FSTL4: variants seen among roughly 807,000 people sequenced by gnomAD.
FSTL4 encodes follistatin like 4, also known as follistatin-related protein 4.
In FSTL4, 28 loss-of-function variants were observed where a neutral mutation model predicts 78.2. That is an observed-to-expected ratio of 0.36 (90% CI 0.27 to 0.49). The LOEUF (loss-of-function observed/expected upper bound fraction) is 0.49, where lower values mean the gene tolerates loss of function less well. Ranked by LOEUF, FSTL4 falls within the 20% of genes least tolerant of loss-of-function variation. FSTL4 has a pLI of 0.98. For missense variants in FSTL4, 922 were observed against 1,084.9 expected (o/e 0.85, Z 2.11); for synonymous variants, 422 against 440.5 (o/e 0.96, Z 0.53).
the FSTL4 span, among the ~76,000 whole-genome samples, chr5:133,721,286 A>T: frequency 6.6e-6 from 1 of 152,112 alleles, no homozygotes; most frequent in Non-Finnish European, 1.5e-5. Flanking sequence ...TTGACTTTTA[A>T]CTTTCATAAT....
At chr5:133,813,003 T>A in the FSTL4 span, among the ~76,000 whole-genome samples, 28 of 152,236 alleles carry the variant, frequency 1.8e-4, no homozygotes, top group Non-Finnish European at 1.9e-4. Context: ...CCTTTGGCCA[T>A]CGTGTTAACA....
At chr5:133,389,120 A>C (rs1236030616) in intron 4 of FSTL4, among the ~76,000 whole-genome samples, 3 of 152,170 alleles carry the variant, frequency 2.0e-5, no homozygotes, top group Non-Finnish European at 4.4e-5. Flanking sequence ...AGTAGAACAC[A>C]GTTGCTGTCT....
intron 6 of FSTL4, among the ~76,000 whole-genome samples, chr5:133,285,935 T>C (rs1448791007): frequency 6.6e-6 from 1 of 152,214 alleles, no homozygotes; most frequent in African/African-American, 2.4e-5. Flanking sequence ...CACGAAGTCC[T>C]AGGAAGGGAG....
chr5:133,503,126 A>G (rs1758536633), intron 3 of FSTL4, among the ~76,000 whole-genome samples: 1 of 152,220 alleles, frequency 6.6e-6, no homozygotes, highest in Non-Finnish European at 1.5e-5. Context: ...AGGGCTGGTA[A>G]TTTACGACAA....
intron 4 of FSTL4, among the ~76,000 whole-genome samples, chr5:133,331,395 G>C (rs1016473804): frequency 5.3e-5 from 8 of 152,174 alleles, no homozygotes; most frequent in Admixed American, 1.3e-4. Context: ...CTGGTCCTCT[G>C]ATGTGAGGGG....
chr5:133,816,390 G>A, the FSTL4 span, among the ~76,000 whole-genome samples: 1 of 152,214 alleles, frequency 6.6e-6, no homozygotes, highest in African/African-American at 2.4e-5. Flanking sequence ...TGTCTCTGCT[G>A]ATTCGGATCC....
chr5:133,542,564 A>C (rs1236298409), intron 3 of FSTL4, among the ~76,000 whole-genome samples: 3 of 152,176 alleles, frequency 2.0e-5, no homozygotes, highest in African/African-American at 7.2e-5. Flanking sequence ...CCACTGGTAA[A>C]ATATCTGGAT....
chr5:133,582,496 T>A (rs1760438130), intron 2 of FSTL4, among the ~76,000 whole-genome samples: 1 of 152,162 alleles, frequency 6.6e-6, no homozygotes, highest in Non-Finnish European at 1.5e-5. Flanking sequence ...GCAATCAGCA[T>A]AGCACCCAGC....
chr5:133,758,794 T>A, the FSTL4 span, among the ~76,000 whole-genome samples: 3 of 152,248 alleles, frequency 2.0e-5, no homozygotes, highest in Non-Finnish European at 2.9e-5. Context: ...CTGACTCAGA[T>A]CTTCCATAAG....
chr5:133,290,696 G>A (rs780277138), intron 6 of FSTL4, among the ~76,000 whole-genome samples: 27 of 152,326 alleles, frequency 1.8e-4, no homozygotes, highest in African/African-American at 5.5e-4. Context: ...CACAGTCCCC[G>A]CCCCTGGAGC....
the FSTL4 span, among the ~76,000 whole-genome samples, chr5:133,628,891 T>C: frequency 0.39 from 48,440 of 125,626 alleles, 10,299 homozygotes; most frequent in South Asian, 0.44. Context: ...GAGACAATGA[T>C]GTTTTCTAAA....
chr5:133,565,432 CTG>C (rs1760005761), intron 3 of FSTL4, among the ~76,000 whole-genome samples: 1 of 152,184 alleles, frequency 6.6e-6, no homozygotes, highest in African/African-American at 2.4e-5. Flanking sequence ...CGTTACAGCA[CTG>C]GGCTATTTCA....
intron 3 of FSTL4, among the ~76,000 whole-genome samples, chr5:133,500,414 C>T (rs1204147486): frequency 2.6e-5 from 4 of 152,160 alleles, no homozygotes; most frequent in African/African-American, 7.2e-5. Flanking sequence ...TCTAAGGTAT[C>T]GGTTCAATTC....
intron 3 of FSTL4, among the ~76,000 whole-genome samples, chr5:133,546,499 T>G (rs1486746804): frequency 8.1e-6 from 1 of 124,062 alleles, no homozygotes; most frequent in Non-Finnish European, 1.6e-5. Flanking sequence ...GAGCGAGACT[T>G]TGTCTCAAAA....
intron 6 of FSTL4, among the ~76,000 whole-genome samples, chr5:133,260,886 G>A (rs1172090578): frequency 6.6e-6 from 1 of 152,228 alleles, no homozygotes; most frequent in Admixed American, 6.5e-5. Flanking sequence ...GACACTGTGG[G>A]CACGAGCAGA....
Position 133,338,420 on chromosome 5 carries a change from T to C in FSTL4, c.410-21768A>G, listed in dbSNP as rs1488497389. ...TTAAAGGTGGTCGTTGCTGAGAGTATTTGGCTGCTTCTCCTGCCCCATGCT... is the reference window on the plus strand; with the variant it reads ...TTAAAGGTGGTCGTTGCTGAGAGTACTTGGCTGCTTCTCCTGCCCCATGCT... On this transcript the variant is annotated intron_variant, in intron 4 of 15. Transcript: ENST00000265342. The surrounding 1 kb of genome is among the most constrained non-coding windows in gnomAD (Gnocchi z 4.0). 6.6e-6 allele frequency among the ~76,000 whole-genome samples: 1 copy of C among 152,108 alleles called. No homozygotes were observed. The highest frequency in any genetic ancestry group is 1.9e-4 in the East Asian group (1 of 5,178).
At chr5:133,765,621 T>TG in the FSTL4 span, among the ~76,000 whole-genome samples, 1,331 of 152,208 alleles carry the variant, frequency 8.7e-3, 20 homozygotes, top group African/African-American at 0.03. Flanking sequence ...CAGTGATTCT[T>TG]GGGAAGGCCC....
intron 13 of FSTL4, among the ~76,000 whole-genome samples, chr5:133,216,272 A>T (rs532871464): frequency 2.0e-5 from 3 of 152,284 alleles, no homozygotes; most frequent in African/African-American, 7.2e-5. Context: ...CCTGGATTAC[A>T]TCAGACCAGA....
chr5:133,259,485 G>A (rs1214904352), intron 6 of FSTL4, among the ~76,000 whole-genome samples: 2 of 151,282 alleles, frequency 1.3e-5, no homozygotes, highest in African/African-American at 4.9e-5. Flanking sequence ...TGTAATTTAA[G>A]GAGATGAAAA....
Sources: gnomAD v4.1 joint callset for allele counts (sites outside exome capture counted in the v4.1 genomes callset) on GRCh38, gnomAD v4.1.1 for gene constraint, Gnocchi (gnomAD v3.1) non-coding constraint, MANE v1.5 for transcripts, NCBI Gene and HGNC (gene_info 2026-07-23, HGNC 2026-07-21) for gene names.